Variants in KIF5B observed in about 807,000 individuals in gnomAD.
The protein encoded by KIF5B is kinesin family member 5B, also known as kinesin-1 heavy chain.
Under a neutral mutation model 132.8 loss-of-function variants are expected in KIF5B, and 49 were observed. The ratio of observed to expected loss-of-function variants is 0.37; its 90% CI spans 0.29 to 0.47. KIF5B has a LOEUF of 0.47. Among genes scored for constraint, KIF5B ranks in the 20% least tolerant of loss-of-function variants. KIF5B has a pLI of 1.00. For missense variants in KIF5B, 780 were observed against 1,144.0 expected (o/e 0.68, Z 4.59); for synonymous variants, 355 against 369.4 (o/e 0.96, Z 0.45).
At chr10:32,017,076 A>C in intron 24 of KIF5B, 67 bp downstream of exon 24, 2 of 1,311,758 alleles carry the variant, frequency 1.5e-6, no homozygotes, top group Non-Finnish European at 2.2e-6. Context: ...AATTCGGATT[A>C]CGTTTTCCAC....
intron 14 of KIF5B, among the ~76,000 whole-genome samples, chr10:32,029,123 T>A (rs1841367144): frequency 6.6e-6 from 1 of 152,178 alleles, no homozygotes; most frequent in Admixed American, 6.5e-5. Context: ...AAATCATAGC[T>A]GGCTTAACAG....
chr10:32,017,018 CTCTGCT>C, intron 24 of KIF5B, 119 bp downstream of exon 24: 1 of 787,652 alleles, frequency 1.3e-6, no homozygotes, highest in Non-Finnish European at 2.2e-6. Context: ...AACAGTGCCA[CTCTGCT>C]AAGTTAGAAA....
In KIF5B at chr10:32,028,324, G is replaced by C. The variant is rs532818304; in HGVS notation, c.1725+104C>G. 154 of 888,422 alleles carry C rather than the reference G, an allele frequency of 1.7e-4. No homozygotes were observed. The African/African-American group carries it at 2.6e-3, about 15-fold the overall frequency. The allele number at this position is 888,422 out of a possible 1,614,324, so 55.0% of individuals were successfully genotyped here. On this transcript the variant is annotated intron_variant, in intron 15 of 25. Coordinates refer to ENST00000302418, the MANE Select transcript of KIF5B (RefSeq NM_004521.3). ...ACATCTACTACACGACTGTTTGTGA[G>C]GATGAGATCATGAATACGAAAAGAA...
In KIF5B at chr10:32,028,635, C is replaced by T; in HGVS notation, c.1582-64G>A. 3 of 1,394,544 alleles carry T rather than the reference C, an allele frequency of 2.2e-6. No homozygotes were observed. In the South Asian group the frequency reaches 3.9e-5, roughly 18 times the overall value. The allele number at this position is 1,394,544 out of a possible 1,614,324, so 86.4% of individuals were successfully genotyped here. ...TACATGAAAATTCAAATCAAATACT[C>T]ATCGGTGTTTCAAGTTTTACACCAA... On this transcript the variant is annotated intron_variant, in intron 14 of 25. Coordinates refer to ENST00000302418, the MANE Select transcript of KIF5B (RefSeq NM_004521.3).
At chr10:32,029,067 G>A (rs1841366328) in intron 14 of KIF5B, among the ~76,000 whole-genome samples, 1 of 152,184 alleles carries the variant, frequency 6.6e-6, no homozygotes, top group Admixed American at 6.5e-5. Flanking sequence ...AGGAGCTAGT[G>A]TTAAAGTAAT....
At chr10:32,052,754 G>T (rs557923014) in intron 1 of KIF5B, among the ~76,000 whole-genome samples, 1 of 152,228 alleles carries the variant, frequency 6.6e-6, no homozygotes, top group East Asian at 1.9e-4. Flanking sequence ...ATCGCTTAAA[G>T]ACTTTCATAA....
intron 15 of KIF5B, among the ~76,000 whole-genome samples, chr10:32,026,459 AAAGT>A (rs1488594398): frequency 1.1e-4 from 17 of 150,178 alleles, no homozygotes; most frequent in Non-Finnish European, 2.4e-4. Flanking sequence ...AAAAAAAAAA[AAAGT>A]AACGCTCTAA....
chr10:32,018,600 A>G (rs778356187), intron 20 of KIF5B, 38 bp from the exon 21 acceptor site: 8 of 1,328,956 alleles, frequency 6.0e-6, no homozygotes, highest in Non-Finnish European at 8.0e-6. Flanking sequence ...TTCAAATTTT[A>G]TTCTGTATAT....
At chr10:32,055,793 C>T in intron 1 of KIF5B, 55 bp downstream of exon 1, 1 of 1,597,164 alleles carries the variant, frequency 6.3e-7, no homozygotes, top group Non-Finnish European at 8.5e-7. Flanking sequence ...CCTAAACTCC[C>T]CGCACAGGCC....
At chr10:32,035,196 G>A (rs189930124) in intron 10 of KIF5B, among the ~76,000 whole-genome samples, 59 of 152,264 alleles carry the variant, frequency 3.9e-4, no homozygotes, top group Non-Finnish European at 7.6e-4. Context: ...ATATTAACCT[G>A]TCATGCATGT....
At chr10:32,055,655 TG>T (rs1246700970) in intron 1 of KIF5B, among the ~76,000 whole-genome samples, 192 bp downstream of exon 1, 1 of 151,446 alleles carries the variant, frequency 6.6e-6, no homozygotes, top group East Asian at 1.9e-4. Flanking sequence ...AAGACTGGGG[TG>T]GGGGCGATCC....
chr10:32,034,111 ATT>A (rs11288781), intron 11 of KIF5B, 73 bp from the exon 12 acceptor site: 16,705 of 675,638 alleles, frequency 0.025, no homozygotes, highest in East Asian at 0.09. Flanking sequence ...TCCTTTAAAA[ATT>A]TTTTTTTTTT....
At chr10:32,018,408 A>G in intron 21 of KIF5B, 21 bp from the exon 22 acceptor site, 1 of 1,567,908 alleles carries the variant, frequency 6.4e-7, no homozygotes, top group Non-Finnish European at 8.6e-7. Flanking sequence ...GAACAGCGAT[A>G]TTTTTGGAGC....
At chr10:32,052,036 G>C (rs1484954423) in intron 1 of KIF5B, among the ~76,000 whole-genome samples, 1 of 152,122 alleles carries the variant, frequency 6.6e-6, no homozygotes, top group Admixed American at 6.6e-5. Flanking sequence ...GATGCTTTAA[G>C]GGGACAAATC....
chr10:32,031,144 G>A lies in KIF5B; in HGVS notation c.1510C>T (p.Gln504Ter). The change falls in exon 14 of 26, where the codon CAG (glutamine) becomes TAG (stop). Residue 504 changes from glutamine to a stop codon, truncating the protein, a stop_gained. Transcript: ENST00000302418. LOFTEE classifies it high-confidence loss of function. ...TTGTCTTCAACTTCCTGAGACTTCT[G>A]ATCATAATTGACAGCAAGTTCTTCT... ...ALEELAVNYD[Q>*]KSQEVEDKTK... 1 of 1,613,824 alleles carries A rather than the reference G, an allele frequency of 6.2e-7. No individual in the cohort carries two copies.
chr10:32,049,232 C>G lies in KIF5B; in HGVS notation c.127-681G>C, dbSNP rs1841655631. On this transcript the variant is annotated intron_variant, in intron 1 of 25. Coordinates refer to ENST00000302418, the MANE Select transcript of KIF5B (RefSeq NM_004521.3). ...AGATTCCCTCTCTGCTTTAGTGGAG[C>G]ATAAATAATAGTGGGGCAGACATTA... Among the ~76,000 whole-genome samples the G allele has an allele frequency of 2.0e-5, 3 of 152,138 alleles. 1 individual carries two copies. In the South Asian group the frequency reaches 6.2e-4, roughly 31 times the overall value.
intron 2 of KIF5B, among the ~76,000 whole-genome samples, chr10:32,041,033 C>A (rs1407159548): frequency 6.7e-6 from 1 of 149,220 alleles, no homozygotes; most frequent in Non-Finnish European, 1.5e-5. Context: ...GTAATTTCAG[C>A]TACTCGAAAG....
rs768225070 is a variant in KIF5B, at chr10:32,017,237, A to G, written c.2667T>C (p.Ser889=). 1 of 1,614,186 alleles carries G rather than the reference A, an allele frequency of 6.2e-7. No individual in the cohort carries two copies. The highest frequency in any genetic ancestry group is 8.5e-7 in the Non-Finnish European group (1 of 1,180,042). ...CTTGCTGATAGCGTTTGCGATCACG[A>G]GATGCATTTTCTTTAGCTTCTTTCA... ...SALKEAKENA[S]RDRKRYQQEV... The change falls in exon 24 of 26, where the codon TCT becomes TCC. Residue 889 remains serine (S), a synonymous_variant. Transcript: ENST00000302418.
At chr10:32,019,418 T>A (rs1303168704) in intron 20 of KIF5B, among the ~76,000 whole-genome samples, 2 of 152,126 alleles carry the variant, frequency 1.3e-5, no homozygotes, top group Non-Finnish European at 2.9e-5. Context: ...TTTGAGAAAA[T>A]GAGAAAAGGT....
Sources: allele counts gnomAD v4.1 joint callset (sites outside exome capture counted in the v4.1 genomes callset), GRCh38; gene constraint gnomAD v4.1.1; transcripts MANE v1.5; gene names NCBI Gene and HGNC (gene_info 2026-07-23, HGNC 2026-07-21).